Variants in R3HDM2 observed in about 807,000 individuals in gnomAD.
R3HDM2 encodes the protein R3H domain containing 2, also known as R3H domain-containing protein 2.
R3HDM2 carries 38 observed loss-of-function variants against 124.5 expected under a neutral mutation model. That is an observed-to-expected ratio of 0.31 (90% CI 0.24 to 0.40). R3HDM2 has a LOEUF of 0.40. Ranked by LOEUF, R3HDM2 falls within the 10% of genes least tolerant of loss-of-function variation. R3HDM2 has a pLI of 1.00. For missense variants in R3HDM2, 869 were observed against 1,236.9 expected (o/e 0.70, Z 4.46); for synonymous variants, 391 against 448.0 (o/e 0.87, Z 1.61).
chr12:57,382,275 T>C (rs1430837115), intron 2 of R3HDM2, among the ~76,000 whole-genome samples: 5 of 148,872 alleles, frequency 3.4e-5, no homozygotes, highest in Non-Finnish European at 6.0e-5. Flanking sequence ...CCAACACATC[T>C]GGCTAATTTG....
chr12:57,295,870 T>A (rs1033926350), intron 9 of R3HDM2, among the ~76,000 whole-genome samples: 12 of 152,046 alleles, frequency 7.9e-5, no homozygotes, highest in East Asian at 5.8e-4. Context: ...CTTAAAAAAA[T>A]TTTTTTTGTT....
At chr12:57,306,253 C>T (rs2052544513) in intron 3 of R3HDM2, among the ~76,000 whole-genome samples, 1 of 152,134 alleles carries the variant, frequency 6.6e-6, no homozygotes. Flanking sequence ...AAATATTGGA[C>T]TTGGCTTAAA....
Position 57,296,419 on chromosome 12 carries a change from GT to G in R3HDM2, c.692del (p.Asn231ThrfsTer13). On this transcript the variant is annotated frameshift_variant, in exon 9 of 24. Coordinates refer to ENST00000402412, the MANE Select transcript of R3HDM2 (RefSeq NM_001394031.1). LOFTEE classifies it high-confidence loss of function. This position sits in a 1 kb window ranked among gnomAD's most constrained non-coding sequence, Gnocchi z 4.5. ...GKAVIINKTSNTRIPEQRFSE... is the reference protein window; with the variant it reads ...GKAVIINKTSXTRIPEQRFSE... Reference sequence around the variant, plus strand: ...ATGGTTTCCTCCCTTACATTCTTGTGTTACTAGTTTTGTTGATGATGACAGC... The same window carrying G: ...ATGGTTTCCTCCCTTACATTCTTGTGTACTAGTTTTGTTGATGATGACAGC... 1 of 1,552,302 alleles carries G rather than the reference GT, an allele frequency of 6.4e-7. No homozygotes were observed. Among genetic ancestry groups the G allele is most frequent in the African/African-American group, 1.4e-5 (1 of 73,170 alleles).
chr12:57,367,437 C>A (rs2062805029), intron 2 of R3HDM2, among the ~76,000 whole-genome samples: 1 of 152,168 alleles, frequency 6.6e-6, no homozygotes. Flanking sequence ...TTTAGGGGAA[C>A]CCTCTGCAAA....
intron 2 of R3HDM2, among the ~76,000 whole-genome samples, chr12:57,380,951 C>T (rs566753747): frequency 3.3e-5 from 5 of 152,118 alleles, no homozygotes; most frequent in Non-Finnish European, 5.9e-5. Flanking sequence ...ATGGGCAGGC[C>T]GGGCACGGTG....
chr12:57,305,422 A>G (rs1462087358), intron 3 of R3HDM2, among the ~76,000 whole-genome samples: 3 of 152,164 alleles, frequency 2.0e-5, no homozygotes, highest in African/African-American at 7.2e-5. Context: ...ATATATAAAT[A>G]TAGTATATCT....
intron 10 of R3HDM2, among the ~76,000 whole-genome samples, chr12:57,295,193 C>T (rs1231754491): frequency 1.3e-5 from 2 of 152,190 alleles, no homozygotes; most frequent in Non-Finnish European, 2.9e-5. Context: ...ACCTCAGCAC[C>T]ATGTCTCTCT....
rs779905833 is a variant in R3HDM2 at position 57,270,008 on chromosome 12, A to G, written c.1345-14T>C. The G allele has an allele frequency of 6.4e-5, 103 of 1,613,998 alleles. No homozygotes were observed. Among genetic ancestry groups the G allele is most frequent in the Non-Finnish European group, 7.9e-5 (93 of 1,179,964 alleles). Reference sequence around the variant, plus strand: ...GAGGTCATCTGCCTGTTGAGAGAGTATAAGACACAGGATTGGGGCTGTATC... The same window carrying G: ...GAGGTCATCTGCCTGTTGAGAGAGTGTAAGACACAGGATTGGGGCTGTATC... On this transcript the variant is annotated splice_polypyrimidine_tract_variant and intron_variant, in intron 14 of 23. Transcript: ENST00000402412.
At chr12:57,410,191 C>T (rs544112587) in intron 1 of R3HDM2, among the ~76,000 whole-genome samples, 3 of 152,032 alleles carry the variant, frequency 2.0e-5, no homozygotes, top group African/African-American at 7.2e-5. Flanking sequence ...TCTATTTTAA[C>T]TTATTTTTCA....
intron 12 of R3HDM2, 89 bp from the exon 13 acceptor site, chr12:57,284,145 AAAG>A: frequency 1.7e-6 from 2 of 1,197,988 alleles, no homozygotes; most frequent in Non-Finnish European, 2.4e-6. Context: ...TCTCAATAAC[AAAG>A]AATGGGTAAG....
At chr12:57,290,699 T>G (rs919713098) in intron 11 of R3HDM2, among the ~76,000 whole-genome samples, 1 of 152,186 alleles carries the variant, frequency 6.6e-6, no homozygotes, top group Non-Finnish European at 1.5e-5. Flanking sequence ...CCACAACCTC[T>G]GCCTCCTGGG....
chr12:57,332,850 C>T (rs1332866188), intron 2 of R3HDM2, among the ~76,000 whole-genome samples: 5 of 152,126 alleles, frequency 3.3e-5, no homozygotes, highest in African/African-American at 1.2e-4. Context: ...TATAATGATT[C>T]ATATCTTACA....
intron 2 of R3HDM2, among the ~76,000 whole-genome samples, chr12:57,368,944 G>C (rs1483072241): frequency 6.6e-6 from 1 of 152,108 alleles, no homozygotes; most frequent in African/African-American, 2.4e-5. Flanking sequence ...AGCAGGGCGA[G>C]GGCTGAGAAT....
chr12:57,280,661 T>C (rs1357565435), intron 13 of R3HDM2, 131 bp from the exon 14 acceptor site: 2 of 803,992 alleles, frequency 2.5e-6, no homozygotes, highest in Non-Finnish European at 3.7e-6. Flanking sequence ...CCTCCCCCAC[T>C]GTCTTTTGAA....
chr12:57,288,969 A>G, intron 12 of R3HDM2, 40 bp downstream of exon 12: 6 of 1,546,536 alleles, frequency 3.9e-6, no homozygotes, highest in Non-Finnish European at 5.3e-6. Context: ...TCACTGGCAA[A>G]GCTCAATGAG....
chr12:57,334,704 A>T (rs1366538534), intron 2 of R3HDM2, among the ~76,000 whole-genome samples: 1 of 152,158 alleles, frequency 6.6e-6, no homozygotes, highest in East Asian at 1.9e-4. Flanking sequence ...GAATCTTTAA[A>T]CTGCTGGAAA....
intron 1 of R3HDM2, among the ~76,000 whole-genome samples, chr12:57,409,433 G>T (rs1472035529): frequency 6.7e-6 from 1 of 148,768 alleles, no homozygotes; most frequent in African/African-American, 2.5e-5. Context: ...TATACTACTA[G>T]ATTTAAATAG....
chr12:57,362,081 A>G (rs540369158), intron 2 of R3HDM2, among the ~76,000 whole-genome samples: 4 of 152,298 alleles, frequency 2.6e-5, no homozygotes, highest in Admixed American at 1.3e-4. Context: ...GCAATGAGCC[A>G]AGATCGTGCC....
At chr12:57,256,228 A>G in intron 22 of R3HDM2, 154 bp from the exon 23 acceptor site, 1 of 900,920 alleles carries the variant, frequency 1.1e-6, no homozygotes, top group Non-Finnish European at 1.7e-6. Context: ...ACTGAGAAAC[A>G]AAGAGCCCCT....
Sources: allele counts gnomAD v4.1 joint callset (sites outside exome capture counted in the v4.1 genomes callset), GRCh38; gene constraint gnomAD v4.1.1; non-coding constraint Gnocchi (gnomAD v3.1); transcripts MANE v1.5; gene names NCBI Gene and HGNC (gene_info 2026-07-23, HGNC 2026-07-21).